Variants in AKR1E2 observed in about 807,000 individuals in gnomAD.
AKR1E2 encodes 1,5-anhydro-D-fructose reductase.
A neutral mutation model predicts 41.9 loss-of-function variants in AKR1E2; 43 were observed. The observed-to-expected ratio is 1.03, with a 90% CI of 0.80 to 1.32. The LOEUF is 1.32. AKR1E2 is among the 40% of genes most tolerant of loss of function. The probability of loss-of-function intolerance (pLI) is 0.00; values close to 1 mark genes in which losing one functional copy is unlikely to be tolerated. For missense variants in AKR1E2, 423 were observed against 396.5 expected (o/e 1.07, Z -0.57); for synonymous variants, 121 against 138.9 (o/e 0.87, Z 0.91).
At chr10:4,830,985 C>A in intron 2 of AKR1E2, 143 bp downstream of exon 2, 1 of 1,081,130 alleles carries the variant, frequency 9.2e-7, no homozygotes, top group Non-Finnish European at 1.3e-6. Context: ...CATGAGCATG[C>A]TGAATTATAT....
At chr10:4,866,403 C>T in the AKR1E2 span, among the ~76,000 whole-genome samples, 12 of 152,134 alleles carry the variant, frequency 7.9e-5, no homozygotes, top group Admixed American at 2.0e-4. Context: ...AGAGTCTGCC[C>T]TTTATTCAGA....
rs148843293 is a variant in AKR1E2 at position 4,835,926 on chromosome 10, G to A, written c.459+117G>A. On this transcript the variant is annotated intron_variant, in intron 4 of 9. Coordinates refer to ENST00000298375, the MANE Select transcript of AKR1E2 (RefSeq NM_001040177.3). ...CAAGGTTGTCTACCTGAGATGTGGGGTTTGTGGAGCAAAAAAGGAATCAAT... is the reference window on the plus strand; with the variant it reads ...CAAGGTTGTCTACCTGAGATGTGGGATTTGTGGAGCAAAAAAGGAATCAAT... The A allele has an allele frequency of 1.8e-3, 2,599 of 1,410,466 alleles. 5 individuals carry two copies. Among genetic ancestry groups the A allele is most frequent in the Non-Finnish European group, 2.3e-3 (2,458 of 1,051,980 alleles). 87.4% of individuals were successfully genotyped at this position (1,410,466 alleles called of 1,614,324 possible). A position where few individuals can be genotyped will look rare whatever the true frequency, so the allele number is the denominator to read the frequency against.
At chr10:4,866,628 G>GTCTTGT in the AKR1E2 span, among the ~76,000 whole-genome samples, 1 of 135,254 alleles carries the variant, frequency 7.4e-6, no homozygotes, top group African/African-American at 2.7e-5. Context: ...AGGGAGCAGA[G>GTCTTGT]TTTTGTTTTT....
chr10:4,856,145 A>G, the AKR1E2 span, among the ~76,000 whole-genome samples: 15 of 152,376 alleles, frequency 9.8e-5, no homozygotes, highest in East Asian at 2.3e-3. Flanking sequence ...TAAAGAAAGT[A>G]GAATATGTTT....
chr10:4,833,487 C>T (rs778834552), intron 3 of AKR1E2, 21 bp downstream of exon 3: 25 of 1,596,052 alleles, frequency 1.6e-5, no homozygotes, highest in East Asian at 2.2e-5. Flanking sequence ...GTAGGTAGTT[C>T]GTTCTGCAGT....
downstream of AKR1E2, among the ~76,000 whole-genome samples, chr10:4,851,692 TTC>T (rs1834529722): frequency 6.6e-6 from 1 of 152,176 alleles, no homozygotes; most frequent in South Asian, 2.1e-4. Context: ...TTACCATTAT[TTC>T]TGTTTTATAA....
the AKR1E2 span, among the ~76,000 whole-genome samples, chr10:4,854,024 G>T: frequency 2.0e-5 from 3 of 151,642 alleles, no homozygotes; most frequent in Admixed American, 1.3e-4. Context: ...ATAAAACTGG[G>T]CAGCCAGCAG....
At chr10:4,847,013 C>A in intron 8 of AKR1E2, 135 bp from the exon 9 acceptor site, 1 of 929,958 alleles carries the variant, frequency 1.1e-6, no homozygotes. Flanking sequence ...CAGGGAAGTT[C>A]CAAGTGTCTG....
At position 4,830,689 on chromosome 10, in the gene AKR1E2, A is replaced by G. The variant is rs987197546; in HGVS notation, c.54A>G (p.Lys18=). ...TGGTTTTGCAGGCTTCTCCAGGGAA[A>G]GTGACCGAGGCAGTGAAAGAGGCCA... The part of the protein sequence containing the change: ...GLSSWKASPG[K]VTEAVKEAID... Residue 18 remains lysine (K), a synonymous_variant, in exon 2 of 10, where the codon AAA becomes AAG. Transcript: ENST00000298375. 6.2e-7 allele frequency: 1 copy of G among 1,614,052 alleles called. No individual in the cohort carries two copies. Among genetic ancestry groups the G allele is most frequent in the South Asian group, 1.1e-5 (1 of 91,074 alleles).
At chr10:4,837,020 T>G (rs1833481045) in intron 4 of AKR1E2, among the ~76,000 whole-genome samples, 1 of 152,174 alleles carries the variant, frequency 6.6e-6, no homozygotes, top group Admixed American at 6.5e-5. Context: ...TGTATCCGTG[T>G]GCTTAAGAAG....
the AKR1E2 span, among the ~76,000 whole-genome samples, chr10:4,856,069 G>T: frequency 6.6e-6 from 1 of 152,278 alleles, no homozygotes; most frequent in South Asian, 2.1e-4. Context: ...AGTAAAAGTC[G>T]CTTAGAGTTA....
the AKR1E2 span, among the ~76,000 whole-genome samples, chr10:4,861,518 A>G: frequency 6.6e-6 from 1 of 151,888 alleles, no homozygotes; most frequent in Admixed American, 6.6e-5. Flanking sequence ...TTACAGTTGC[A>G]CCACCGCGCC....
At chr10:4,843,654 C>A (rs1249261282) in intron 8 of AKR1E2, among the ~76,000 whole-genome samples, 2 of 152,218 alleles carry the variant, frequency 1.3e-5, no homozygotes, top group East Asian at 3.9e-4. Flanking sequence ...AGTGCCTGTG[C>A]CCTCAGGCTT....
chr10:4,841,912 C>T lies in AKR1E2; in HGVS notation c.753+55C>T, dbSNP rs188653736. 362 of 1,533,058 alleles carry T rather than the reference C, an allele frequency of 2.4e-4. 1 individual carries two copies. The highest frequency in any genetic ancestry group is 1.7e-3 in the Admixed American group (90 of 54,202). 95.0% of individuals were successfully genotyped at this position (1,533,058 alleles called of 1,614,324 possible). A position where few individuals can be genotyped will look rare whatever the true frequency, so the allele number is the denominator to read the frequency against. On this transcript the variant is annotated intron_variant, in intron 7 of 9. Coordinates refer to ENST00000298375, the MANE Select transcript of AKR1E2 (RefSeq NM_001040177.3). The stretch of plus-strand genomic sequence containing the variant: ...TGGGGTTCTCTGACCGCTCTACATC[C>T]TTGGGGAGTCCTGGGGCTTGGCAGG...
the AKR1E2 span, among the ~76,000 whole-genome samples, chr10:4,858,486 T>C: frequency 5.3e-5 from 8 of 152,190 alleles, no homozygotes; most frequent in African/African-American, 1.9e-4. Flanking sequence ...TGTAAGCAAA[T>C]AATTATTTCA....
At chr10:4,841,685 AAAAT>A (rs1833889859) in intron 6 of AKR1E2, 96 bp from the exon 7 acceptor site, 1 of 949,538 alleles carries the variant, frequency 1.1e-6, no homozygotes, top group Non-Finnish European at 1.5e-6. Context: ...TCATGATCAG[AAAAT>A]AAATCTTTCA....
downstream of AKR1E2, among the ~76,000 whole-genome samples, chr10:4,851,010 T>G (rs1278537376): frequency 6.6e-6 from 1 of 152,204 alleles, no homozygotes; most frequent in East Asian, 1.9e-4. Flanking sequence ...CAAGCTTTCT[T>G]TATTGTTATT....
the AKR1E2 span, among the ~76,000 whole-genome samples, chr10:4,871,435 T>C: frequency 0.2 from 30,083 of 152,146 alleles, 3,165 homozygotes; most frequent in Middle Eastern, 0.33. Flanking sequence ...TCATTTATAA[T>C]ATCTAATATA....
intron 2 of AKR1E2, among the ~76,000 whole-genome samples, chr10:4,831,546 A>G (rs567803388): frequency 9.8e-5 from 15 of 152,324 alleles, no homozygotes; most frequent in Middle Eastern, 3.4e-3. Context: ...AGACTTATTC[A>G]CTATCACCAG....
Sources: allele counts gnomAD v4.1 joint callset (sites outside exome capture counted in the v4.1 genomes callset), GRCh38; gene constraint gnomAD v4.1.1; transcripts MANE v1.5; gene names NCBI Gene and HGNC (gene_info 2026-07-23, HGNC 2026-07-21).